FAM107B: variants seen among roughly 807,000 people sequenced by gnomAD.
FAM107B encodes the protein family with sequence similarity 107 member B, also known as protein FAM107B.
FAM107B carries 21 observed loss-of-function variants against 31.5 expected under a neutral mutation model. That is an observed-to-expected ratio of 0.67 (90% CI 0.47 to 0.96). The LOEUF (loss-of-function observed/expected upper bound fraction) is 0.96. Ranked by LOEUF, FAM107B falls within the 40% of genes least tolerant of loss-of-function variation. FAM107B has a pLI of 0.00. For synonymous variants in FAM107B, 157 were observed against 141.5 expected (o/e 1.11, Z -0.78); for missense variants, 452 against 377.1 (o/e 1.20, Z -1.64).
At chr10:14,664,855 C>G (rs1490740816) in intron 2 of FAM107B, among the ~76,000 whole-genome samples, 1 of 152,054 alleles carries the variant, frequency 6.6e-6, no homozygotes, top group Non-Finnish European at 1.5e-5. Flanking sequence ...CAACTTACAC[C>G]TAACAGGATT....
At chr10:14,538,743 C>T (rs1012947970) in intron 2 of FAM107B, among the ~76,000 whole-genome samples, 1 of 152,132 alleles carries the variant, frequency 6.6e-6, no homozygotes, top group African/African-American at 2.4e-5. Context: ...AATTACTATC[C>T]ACAAGTCACT....
At chr10:14,698,947 C>T (rs754063172) in intron 1 of FAM107B, among the ~76,000 whole-genome samples, 15 of 152,178 alleles carry the variant, frequency 9.9e-5, no homozygotes, top group African/African-American at 2.9e-4. Flanking sequence ...GCACATGCCA[C>T]GTGCTGTGGG....
intron 2 of FAM107B, among the ~76,000 whole-genome samples, chr10:14,630,077 A>T (rs1853314659): frequency 6.6e-6 from 1 of 152,188 alleles, no homozygotes; most frequent in East Asian, 1.9e-4. Context: ...TGCTGTGTAA[A>T]GTAGGAGTTT....
At position 14,774,461 on chromosome 10, in the gene FAM107B, C is replaced by T. The variant is rs767708669; in HGVS notation, c.203G>A (p.Ser68Asn). The change falls in exon 1 of 5, where the codon AGC becomes AAC. Residue 68 changes from serine to asparagine, a missense_variant. By Grantham distance (46) the Ser-to-Asn change is conservative (BLOSUM62 1). Coordinates refer to ENST00000181796, the MANE Select transcript of FAM107B (RefSeq NM_031453.4). ...CCTTTTCTCTGGAGCTCCTTCTGCG[C>T]TTGGGTGTCTTGGCTGTCTGCCTGC... ...AKAGRQPRHPSAEGAPEKRQD... is the reference protein window; with the variant it reads ...AKAGRQPRHPNAEGAPEKRQD... 2 of 1,614,212 alleles carry T rather than the reference C, an allele frequency of 1.2e-6. No individual in the cohort carries two copies.
At position 14,639,446 on chromosome 10, in the gene FAM107B, G is replaced by C. The variant is rs556483512; in HGVS notation, c.469+28188C>G. Among the ~76,000 whole-genome samples, 8 of 152,282 alleles carry C rather than the reference G, an allele frequency of 5.3e-5. No homozygotes were observed. The South Asian group carries it at 1.5e-3, about 28-fold the overall frequency. ...GTGACTCAGATTTGAAAAGCTGCCT[G>C]ATTTTTGGTTCAGCAAATGTGGGAC... On this transcript the variant is annotated intron_variant, in intron 2 of 4. Transcript: ENST00000181796.
In FAM107B at chr10:14,745,568, C is replaced by T. The variant is rs1257716118; in HGVS notation, c.411+28685G>A. 2.0e-5 allele frequency among the ~76,000 whole-genome samples: 3 copies of T among 152,154 alleles called. No homozygotes were observed. The East Asian group carries it at 5.8e-4, about 29-fold the overall frequency. On this transcript the variant is annotated intron_variant, in intron 1 of 4. Coordinates refer to ENST00000181796, the MANE Select transcript of FAM107B (RefSeq NM_031453.4). The stretch of plus-strand genomic sequence containing the variant: ...TTAATTTCATTATTTACCCAGGAGT[C>T]ATTCAGGAGCAAATTGTTCGATTTC...
At chr10:14,616,489 G>T (rs1248172870) in intron 2 of FAM107B, among the ~76,000 whole-genome samples, 2 of 152,186 alleles carry the variant, frequency 1.3e-5, no homozygotes, top group African/African-American at 2.4e-5. Flanking sequence ...TTGTTCCATT[G>T]CCTAGGTCAG....
intron 2 of FAM107B, among the ~76,000 whole-genome samples, chr10:14,537,833 C>CAAA (rs34298402): frequency 3.5e-5 from 3 of 85,606 alleles, no homozygotes; most frequent in South Asian, 4.1e-4. Context: ...GACTCTGTCT[C>CAAA]AAAAAAAAAA....
chr10:14,745,337 T>G (rs1016466347), intron 1 of FAM107B, among the ~76,000 whole-genome samples: 4 of 152,332 alleles, frequency 2.6e-5, no homozygotes, highest in East Asian at 3.9e-4. Context: ...TCTTGTCTTT[T>G]GCTAGTTTTG....
intron 2 of FAM107B, among the ~76,000 whole-genome samples, chr10:14,641,648 T>TA (rs1853630208): frequency 6.6e-6 from 1 of 152,156 alleles, no homozygotes; most frequent in Non-Finnish European, 1.5e-5. Flanking sequence ...TCTCTTCTTC[T>TA]GAGGGCACTA....
At chr10:14,763,966 AC>A (rs1317920556) in intron 1 of FAM107B, among the ~76,000 whole-genome samples, 2 of 152,164 alleles carry the variant, frequency 1.3e-5, no homozygotes, top group Non-Finnish European at 2.9e-5. Flanking sequence ...ATTTTCTTGT[AC>A]CACTATTCAC....
chr10:14,689,673 T>C (rs1855079907), intron 1 of FAM107B, among the ~76,000 whole-genome samples: 1 of 152,074 alleles, frequency 6.6e-6, no homozygotes, highest in African/African-American at 2.4e-5. Flanking sequence ...TTAAAAAAGA[T>C]ACCTTGGCTG....
intron 2 of FAM107B, among the ~76,000 whole-genome samples, chr10:14,537,301 G>A (rs1242652908): frequency 1.3e-5 from 2 of 152,182 alleles, no homozygotes; most frequent in Non-Finnish European, 2.9e-5. Context: ...TCACCTGGGG[G>A]TATATGTAAG....
intron 2 of FAM107B, among the ~76,000 whole-genome samples, chr10:14,648,347 A>C (rs1475039155): frequency 6.6e-6 from 1 of 152,188 alleles, no homozygotes; most frequent in Non-Finnish European, 1.5e-5. Flanking sequence ...GAACGAGGGG[A>C]AACAAAAAGC....
At chr10:14,725,646 CT>C (rs2131554161) in intron 1 of FAM107B, among the ~76,000 whole-genome samples, 1 of 152,020 alleles carries the variant, frequency 6.6e-6, no homozygotes, top group African/African-American at 2.4e-5. Context: ...AGAGAGAAAG[CT>C]CTCTAGTAAC....
At chr10:14,523,012 A>G (rs1845834904) in intron 3 of FAM107B, among the ~76,000 whole-genome samples, 1 of 152,232 alleles carries the variant, frequency 6.6e-6, no homozygotes, top group Non-Finnish European at 1.5e-5. Flanking sequence ...TTAGGCTACC[A>G]TCTCTCCAAA....
chr10:14,692,850 G>T (rs1385487176), intron 1 of FAM107B, among the ~76,000 whole-genome samples: 1 of 152,200 alleles, frequency 6.6e-6, no homozygotes, highest in Non-Finnish European at 1.5e-5. Context: ...TGTGCCACGT[G>T]AGAATAAAAT....
At chr10:14,585,445 C>T (rs1346698658) in intron 2 of FAM107B, among the ~76,000 whole-genome samples, 1 of 152,172 alleles carries the variant, frequency 6.6e-6, no homozygotes, top group East Asian at 1.9e-4. Context: ...CTCACCAGTC[C>T]CTGCCACCAA....
Position 14,542,156 on chromosome 10 carries a change from G to A in FAM107B, c.470-11641C>T, listed in dbSNP as rs555343395. On this transcript the variant is annotated intron_variant, in intron 2 of 4. Coordinates refer to ENST00000181796, the MANE Select transcript of FAM107B (RefSeq NM_031453.4). ...ATCGTGGTGCATGTGTGTAGTCCCA[G>A]CTACTTAGGAGGCTGAGGCACGAGA... Among the ~76,000 whole-genome samples the A allele has an allele frequency of 1.5e-4, 23 of 151,728 alleles. 1 individual carries two copies. The South Asian group carries it at 4.8e-3, about 32-fold the overall frequency.
Sources: allele counts gnomAD v4.1 joint callset (sites outside exome capture counted in the v4.1 genomes callset), GRCh38; gene constraint gnomAD v4.1.1; transcripts MANE v1.5; gene names NCBI Gene and HGNC (gene_info 2026-07-23, HGNC 2026-07-21).